The following CNTLN variants were observed in gnomAD, a reference collection of about 807,000 sequenced individuals.
CNTLN encodes the protein centlein.
In CNTLN, 212 loss-of-function variants were observed where a neutral mutation model predicts 180.0. The ratio of observed to expected loss-of-function variants is 1.18; its 90% CI spans 1.05 to 1.32. The LOEUF is 1.32. CNTLN is among the 40% of genes most tolerant of loss of function. CNTLN has a pLI of 0.00. For missense variants in CNTLN, 2,095 were observed against 1,610.9 expected (o/e 1.30, Z -5.14); for synonymous variants, 722 against 563.1 (o/e 1.28, Z -3.99).
intron 2 of CNTLN, among the ~76,000 whole-genome samples, chr9:17,143,681 G>A (rs1563816234): frequency 6.6e-6 from 1 of 152,134 alleles, no homozygotes; most frequent in Non-Finnish European, 1.5e-5. Flanking sequence ...AAAAGTTGGC[G>A]AAGTCCCTGT....
chr9:17,215,849 G>C lies in CNTLN; in HGVS notation c.450-10354G>C, dbSNP rs987040415. Among the ~76,000 whole-genome samples, 6 of 152,176 alleles carry C rather than the reference G, an allele frequency of 3.9e-5. 1 individual carries two copies. Among genetic ancestry groups the C allele is most frequent in the Non-Finnish European group, 8.8e-5 (6 of 68,018 alleles). On this transcript the variant is annotated intron_variant, in intron 2 of 25. Transcript: ENST00000380647. ...GCTCCGTGGGTGTGGGACCCTCTGA[G>C]CCAGGCGCGGGGTATAATCTCCTGG... is the stretch of plus-strand genomic sequence containing the variant.
intron 15 of CNTLN, among the ~76,000 whole-genome samples, chr9:17,397,526 G>A (rs115977491): frequency 0.014 from 2,177 of 152,204 alleles, 54 homozygotes; most frequent in African/African-American, 0.05. Context: ...TCTGATCACT[G>A]TCTTCTTGGT....
At chr9:17,348,667 A>G (rs1463771555) in intron 12 of CNTLN, among the ~76,000 whole-genome samples, 3 of 151,310 alleles carry the variant, frequency 2.0e-5, no homozygotes, top group Non-Finnish European at 4.4e-5. Context: ...AGTAGCTGGG[A>G]TTATAGGCAT....
At position 17,442,892 on chromosome 9, in the gene CNTLN, C is replaced by T. The variant is rs187277826; in HGVS notation, c.3115-14632C>T. On this transcript the variant is annotated intron_variant, in intron 18 of 25. Transcript: ENST00000380647. ...GAAAGTAGATCTCATGTTTTTTTAC[C>T]ACAATAAAAAAGGTAAAAATTTTCT... is the stretch of plus-strand genomic sequence containing the variant. Among the ~76,000 whole-genome samples, 470 of 151,828 alleles carry T rather than the reference C, an allele frequency of 3.1e-3. 3 individuals carry two copies. Among genetic ancestry groups the T allele is most frequent in the African/African-American group, 0.011 (439 of 41,352 alleles).
chr9:17,280,914 A>G (rs1828620042), intron 6 of CNTLN, among the ~76,000 whole-genome samples: 1 of 152,146 alleles, frequency 6.6e-6, no homozygotes, highest in Non-Finnish European at 1.5e-5. Context: ...TGATGTAGCA[A>G]TTAGTAGGCT....
At chr9:17,229,770 A>T (rs1426504248) in intron 3 of CNTLN, among the ~76,000 whole-genome samples, 2 of 152,104 alleles carry the variant, frequency 1.3e-5, no homozygotes, top group Non-Finnish European at 2.9e-5. Flanking sequence ...CCAAACTGAC[A>T]TATAAAATTA....
chr9:17,261,382 C>A (rs1188351206), intron 5 of CNTLN, among the ~76,000 whole-genome samples: 1 of 151,300 alleles, frequency 6.6e-6, no homozygotes, highest in African/African-American at 2.5e-5. Context: ...TTGTAAAGAT[C>A]TTTCACCTTC....
intron 19 of CNTLN, among the ~76,000 whole-genome samples, chr9:17,458,774 A>C (rs10756880): frequency 0.76 from 115,285 of 151,742 alleles, 46,568 homozygotes; most frequent in Non-Finnish European, 0.88. Context: ...CATCTTCTTT[A>C]GTCAATTTAT....
chr9:17,301,622 A>G (rs1818359694), intron 7 of CNTLN: 1 of 981,816 alleles, frequency 1.0e-6, no homozygotes. Flanking sequence ...CCACTGTAAT[A>G]TTTTAATTTT....
intron 19 of CNTLN, among the ~76,000 whole-genome samples, chr9:17,459,399 C>T (rs1284223866): frequency 6.6e-6 from 1 of 151,664 alleles, no homozygotes; most frequent in Non-Finnish European, 1.5e-5. Context: ...AAGTGATTGT[C>T]CATAATCTAA....
At chr9:17,169,951 A>T (rs974094982) in intron 2 of CNTLN, among the ~76,000 whole-genome samples, 1 of 152,010 alleles carries the variant, frequency 6.6e-6, no homozygotes, top group Non-Finnish European at 1.5e-5. Flanking sequence ...TGGAATTTTG[A>T]TAGGGTTTAC....
chr9:17,457,666 C>T lies in CNTLN; in HGVS notation c.3257C>T (p.Pro1086Leu), dbSNP rs1304774261. The stretch of plus-strand genomic sequence containing the variant: ...CGGATACAAGTTACATCACTTAGTC[C>T]TTCAAGGAGCATGGATTTGGAAATG... Reference protein sequence around the residue: ...FPRIQVTSLSPSRSMDLEMKQ... With the variant: ...FPRIQVTSLSLSRSMDLEMKQ... Residue 1086 changes from proline (P) to leucine (L), a missense_variant, in exon 19 of 26, where the codon CCT becomes CTT. Transcript: ENST00000380647. The T allele has an allele frequency of 2.6e-6, 4 of 1,525,240 alleles. No individual in the cohort carries two copies. Among genetic ancestry groups the T allele is most frequent in the Non-Finnish European group, 2.6e-6 (3 of 1,134,546 alleles). The allele number at this position is 1,525,240 out of a possible 1,614,324, so 94.5% of individuals were successfully genotyped here.
chr9:17,235,936 CA>C (rs1346603323), intron 4 of CNTLN, 144 bp downstream of exon 4: 13 of 671,050 alleles, frequency 1.9e-5, no homozygotes, highest in Non-Finnish European at 2.8e-5. Context: ...TTCTCACATG[CA>C]AAAACTCTGA....
At chr9:17,159,207 A>C (rs886847552) in intron 2 of CNTLN, among the ~76,000 whole-genome samples, 1 of 152,164 alleles carries the variant, frequency 6.6e-6, no homozygotes, top group African/African-American at 2.4e-5. Flanking sequence ...ATGGCCAAGC[A>C]TATGGTCTAT....
At chr9:17,423,474 A>G (rs76326479) in intron 18 of CNTLN, among the ~76,000 whole-genome samples, 63 of 152,096 alleles carry the variant, frequency 4.1e-4, no homozygotes, top group African/African-American at 9.9e-4. Context: ...CCTTTCTGCA[A>G]TCAGGAGTCT....
intron 5 of CNTLN, among the ~76,000 whole-genome samples, chr9:17,268,534 G>T (rs1001889270): frequency 2.0e-5 from 3 of 152,164 alleles, no homozygotes; most frequent in Non-Finnish European, 4.4e-5. Flanking sequence ...ATCTCTAGCC[G>T]CGTGCTGCGA....
chr9:17,245,120 C>T (rs571121034), intron 5 of CNTLN, among the ~76,000 whole-genome samples: 7 of 152,194 alleles, frequency 4.6e-5, no homozygotes, highest in African/African-American at 1.4e-4. Context: ...TGTCTATATA[C>T]TTATTATTGC....
rs773288572 is a variant in CNTLN at position 17,466,689 on chromosome 9, C to T, written c.3670-17C>T. 6.3e-7 allele frequency: 1 copy of T among 1,595,758 alleles called. No individual in the cohort carries two copies. On this transcript the variant is annotated splice_polypyrimidine_tract_variant and intron_variant, in intron 22 of 25. Transcript: ENST00000380647. ...TTATAAAATATCTTTTATTTTATGACTGCTGATCTTTTGCAGGATCTCAAG... is the reference window on the plus strand; with the variant it reads ...TTATAAAATATCTTTTATTTTATGATTGCTGATCTTTTGCAGGATCTCAAG...
intron 2 of CNTLN, among the ~76,000 whole-genome samples, chr9:17,178,037 T>G (rs1293853548): frequency 2.0e-5 from 3 of 151,588 alleles, no homozygotes; most frequent in Non-Finnish European, 4.4e-5. Flanking sequence ...GATTGGTGCA[T>G]TCACAAACCC....
Sources: gnomAD v4.1 joint callset for allele counts (sites outside exome capture counted in the v4.1 genomes callset) on GRCh38, gnomAD v4.1.1 for gene constraint, MANE v1.5 for transcripts, NCBI Gene and HGNC (gene_info 2026-07-23, HGNC 2026-07-21) for gene names.